Variants in SNTG1 observed in about 807,000 individuals in gnomAD.
SNTG1 encodes syntrophin gamma 1, also known as gamma-1-syntrophin.
Under a neutral mutation model 74.7 loss-of-function variants are expected in SNTG1, and 39 were observed. The ratio of observed to expected loss-of-function variants is 0.52; its 90% CI spans 0.40 to 0.68. The LOEUF is 0.68. SNTG1 is among the 30% of genes least tolerant of loss of function. The pLI is 0.00. For synonymous variants in SNTG1, 254 were observed against 217.1 expected (o/e 1.17, Z -1.49); for missense variants, 685 against 609.5 (o/e 1.12, Z -1.30).
At chr8:49,978,669 T>A (rs1812404901) in intron 1 of SNTG1, among the ~76,000 whole-genome samples, 1 of 152,134 alleles carries the variant, frequency 6.6e-6, no homozygotes, top group Non-Finnish European at 1.5e-5. Context: ...ACACTTAAAT[T>A]AGAATGAAAT....
intron 18 of SNTG1, among the ~76,000 whole-genome samples, chr8:50,772,844 C>T (rs2095630686): frequency 6.6e-6 from 1 of 152,014 alleles, no homozygotes. Context: ...GCATTATTTC[C>T]CACAGGAGTG....
intron 15 of SNTG1, among the ~76,000 whole-genome samples, chr8:50,663,518 T>G (rs921122860): frequency 1.3e-5 from 2 of 152,078 alleles, no homozygotes; most frequent in East Asian, 3.9e-4. Context: ...TCACAGTAGC[T>G]ACTCACCTGC....
At chr8:50,535,358 T>C (rs918292003) in intron 10 of SNTG1, among the ~76,000 whole-genome samples, 2 of 152,178 alleles carry the variant, frequency 1.3e-5, no homozygotes, top group Non-Finnish European at 2.9e-5. Flanking sequence ...CCATGTCATA[T>C]GCTGACCACC....
At chr8:50,758,962 C>G (rs1042689724) in intron 18 of SNTG1, among the ~76,000 whole-genome samples, 3 of 152,064 alleles carry the variant, frequency 2.0e-5, no homozygotes, top group African/African-American at 7.2e-5. Context: ...TCTCCACATT[C>G]TCTCCAGCAT....
At position 50,794,237 on chromosome 8, in the gene SNTG1, T is replaced by G. The variant is rs140235559; in HGVS notation, c.*1408T>G. On this transcript the variant is annotated 3_prime_UTR_variant, in exon 19 of 19. Transcript: ENST00000642720. ...TTGATTCAATTTTTTTTTTCAAATA[T>G]GTTTTTAAAAATCACTCAAGAAGGA... 1 of 151,888 alleles carries G rather than the reference T, an allele frequency of 6.6e-6. No individual in the cohort carries two copies. Among genetic ancestry groups the G allele is most frequent in the Non-Finnish European group, 1.5e-5 (1 of 67,890 alleles). The allele number at this position is 151,888 out of a possible 1,614,324, so 9.4% of individuals were successfully genotyped here. A position where few individuals can be genotyped will look rare whatever the true frequency, so the allele number is the denominator to read the frequency against.
At chr8:50,407,982 C>A (rs1230507851) in intron 4 of SNTG1, among the ~76,000 whole-genome samples, 1 of 152,118 alleles carries the variant, frequency 6.6e-6, no homozygotes, top group Non-Finnish European at 1.5e-5. Flanking sequence ...TCTCAAAGAC[C>A]AGGCTGAGGT....
chr8:50,340,848 A>G (rs529014992), intron 2 of SNTG1, among the ~76,000 whole-genome samples: 2 of 152,048 alleles, frequency 1.3e-5, no homozygotes, highest in Non-Finnish European at 2.9e-5. Context: ...TTATCTCTAA[A>G]ATGTAAAAAA....
At chr8:49,983,028 A>G (rs921058172) in intron 1 of SNTG1, among the ~76,000 whole-genome samples, 1 of 152,174 alleles carries the variant, frequency 6.6e-6, no homozygotes, top group Non-Finnish European at 1.5e-5. Flanking sequence ...ATACCAATGA[A>G]CCTTTATAAA....
intron 18 of SNTG1, among the ~76,000 whole-genome samples, chr8:50,767,152 A>G (rs957379926): frequency 6.6e-6 from 1 of 151,990 alleles, no homozygotes; most frequent in Non-Finnish European, 1.5e-5. Flanking sequence ...TCAACAAAAC[A>G]TGCATTAGTT....
At chr8:50,090,060 TAACACATAGAAATTA>T (rs1255444235) in intron 1 of SNTG1, among the ~76,000 whole-genome samples, 1 of 152,238 alleles carries the variant, frequency 6.6e-6, no homozygotes, top group African/African-American at 2.4e-5. Flanking sequence ...CGTCTTCAAG[TAACACATAGAAATTA>T]AACACAGCAT....
chr8:50,298,446 A>G (rs1563862494), intron 2 of SNTG1, among the ~76,000 whole-genome samples: 1 of 152,102 alleles, frequency 6.6e-6, no homozygotes, highest in African/African-American at 2.4e-5. Flanking sequence ...AAGCAGAGAA[A>G]ACTCATTTTC....
At chr8:50,434,907 T>C (rs1027998761) in intron 4 of SNTG1, among the ~76,000 whole-genome samples, 2 of 152,122 alleles carry the variant, frequency 1.3e-5, no homozygotes, top group Admixed American at 6.6e-5. Flanking sequence ...ATAATCTCTT[T>C]AGTTTCTGCA....
chr8:50,464,683 G>T (rs11787099), intron 8 of SNTG1, among the ~76,000 whole-genome samples: 35,712 of 151,848 alleles, frequency 0.24, 5,601 homozygotes, highest in Non-Finnish European at 0.35. Flanking sequence ...AGATTAAAGT[G>T]GGCTGAGATC....
chr8:50,362,198 A>G (rs754250099), intron 2 of SNTG1, among the ~76,000 whole-genome samples: 17 of 152,128 alleles, frequency 1.1e-4, no homozygotes, highest in Non-Finnish European at 1.9e-4. Flanking sequence ...CATTGAGTTC[A>G]CTTCTCATTC....
chr8:50,101,757 G>A (rs1372734553), intron 1 of SNTG1, among the ~76,000 whole-genome samples: 2 of 150,186 alleles, frequency 1.3e-5, no homozygotes, highest in African/African-American at 4.9e-5. Context: ...CCCTTCCTGT[G>A]TCCATGTGTT....
chr8:50,500,605 C>T (rs1163490263), intron 8 of SNTG1, among the ~76,000 whole-genome samples: 3 of 152,082 alleles, frequency 2.0e-5, no homozygotes, highest in Non-Finnish European at 4.4e-5. Flanking sequence ...ATACTTTTTA[C>T]TATATCCTGG....
intron 1 of SNTG1, among the ~76,000 whole-genome samples, chr8:49,957,250 G>A (rs2129400403): frequency 6.6e-6 from 1 of 152,304 alleles, no homozygotes; most frequent in East Asian, 1.9e-4. Context: ...AGACAGCCAT[G>A]TTTTGTAAAA....
At chr8:49,938,572 C>CTTTTCTTTTCTTTTG (rs1808317927) in intron 1 of SNTG1, among the ~76,000 whole-genome samples, 9 of 27,414 alleles carry the variant, frequency 3.3e-4, no homozygotes, top group African/African-American at 9.4e-4. Flanking sequence ...CTTTTCTTTT[C>CTTTTCTTTTCTTTTG]TTTTCTTTTC....
chr8:50,010,336 C>T (rs1168110801), intron 1 of SNTG1, among the ~76,000 whole-genome samples: 1 of 152,106 alleles, frequency 6.6e-6, no homozygotes, highest in Non-Finnish European at 1.5e-5. Flanking sequence ...AACTGAAGCA[C>T]AGAGAGCTTC....
Sources: allele counts gnomAD v4.1 joint callset (sites outside exome capture counted in the v4.1 genomes callset), GRCh38; gene constraint gnomAD v4.1.1; transcripts MANE v1.5; gene names NCBI Gene and HGNC (gene_info 2026-07-23, HGNC 2026-07-21).